CUX1: variants seen among roughly 807,000 people sequenced by gnomAD.
CUX1 encodes protein CASP.
In CUX1, 31 loss-of-function variants were observed where a neutral mutation model predicts 158.8. The observed-to-expected ratio is 0.20, with a 90% CI of 0.15 to 0.26. CUX1 has a LOEUF of 0.26. CUX1 is among the 10% of genes least tolerant of loss of function. The pLI, the probability that CUX1 is intolerant of heterozygous loss-of-function variation, is 1.00. For missense variants in CUX1, 1,589 were observed against 2,014.6 expected, an observed-to-expected ratio of 0.79 and a Z score of 4.04; for synonymous variants, 879 against 862.1, an observed-to-expected ratio of 1.02 and a Z score of -0.34.
At chr7:102,126,506 T>G (rs1199083293) in intron 8 of CUX1, among the ~76,000 whole-genome samples, 1 of 152,164 alleles carries the variant, frequency 6.6e-6, no homozygotes, top group Non-Finnish European at 1.5e-5. Flanking sequence ...TCTATACAGA[T>G]TGTTCCTTAC....
At chr7:102,139,142 G>A (rs1834186050) in intron 8 of CUX1, among the ~76,000 whole-genome samples, 1 of 151,602 alleles carries the variant, frequency 6.6e-6, no homozygotes, top group Admixed American at 6.6e-5. Flanking sequence ...CTACTCAGGA[G>A]GCTGAGACCC....
chr7:102,217,515 G>A (rs1243725768), intron 20 of CUX1, among the ~76,000 whole-genome samples: 1 of 152,256 alleles, frequency 6.6e-6, no homozygotes, highest in Non-Finnish European at 1.5e-5. Context: ...ACCTTCCCAT[G>A]TCGGGGAGAT....
rs199690441 is a variant in CUX1 at position 102,204,564 on chromosome 7, G to A, written c.3073+8G>A. 463 of 1,611,932 alleles carry A rather than the reference G, an allele frequency of 2.9e-4. No individual in the cohort carries two copies. The African/African-American group carries it at 5.5e-3, about 19-fold the overall frequency. On this transcript the variant is annotated splice_region_variant and intron_variant, in intron 19 of 23. Coordinates refer to ENST00000292535, the MANE Select transcript of CUX1 (RefSeq NM_181552.4). ...GCCAGCAGCAAGGGCCAGGTAATGGGGGTCCTGCCACAGGAGAGGGGCTGC... is the reference window on the plus strand; with the variant it reads ...GCCAGCAGCAAGGGCCAGGTAATGGAGGTCCTGCCACAGGAGAGGGGCTGC...
At chr7:102,241,819 G>C (rs1050195101) in intron 23 of CUX1, among the ~76,000 whole-genome samples, 1 of 152,178 alleles carries the variant, frequency 6.6e-6, no homozygotes, top group Non-Finnish European at 1.5e-5. Context: ...CAAAATCCAG[G>C]ATTAGCCAGG....
At chr7:102,216,090 G>C (rs1213686127) in intron 20 of CUX1, among the ~76,000 whole-genome samples, 1 of 152,190 alleles carries the variant, frequency 6.6e-6, no homozygotes, top group Non-Finnish European at 1.5e-5. Flanking sequence ...GATCACTTGA[G>C]GCCGGGAGTT....
At chr7:102,061,325 C>G (rs543204429) in intron 3 of CUX1, among the ~76,000 whole-genome samples, 7 of 152,168 alleles carry the variant, frequency 4.6e-5, no homozygotes, top group Admixed American at 2.6e-4. Flanking sequence ...AAACCACACA[C>G]TCTTTCCATT....
intron 8 of CUX1, among the ~76,000 whole-genome samples, chr7:102,139,120 C>T (rs1554499494): frequency 6.6e-6 from 1 of 151,842 alleles, no homozygotes; most frequent in Non-Finnish European, 1.5e-5. Context: ...TGGTATGCAC[C>T]TGTAATTCCA....
chr7:101,834,603 C>G (rs546220630), intron 1 of CUX1, among the ~76,000 whole-genome samples: 93 of 152,214 alleles, frequency 6.1e-4, no homozygotes, highest in African/African-American at 2.2e-3. Flanking sequence ...TTTTTCTGTT[C>G]TAAACGTGCC....
chr7:102,128,594 A>G (rs372493638), intron 8 of CUX1, among the ~76,000 whole-genome samples: 21 of 151,748 alleles, frequency 1.4e-4, no homozygotes, highest in South Asian at 1.3e-3. Context: ...CTGGGTCGCA[A>G]CATCGTAAAG....
chr7:102,184,195 G>C (rs1350544333), intron 11 of CUX1, among the ~76,000 whole-genome samples: 4 of 152,204 alleles, frequency 2.6e-5, no homozygotes, highest in African/African-American at 7.2e-5. Context: ...ACCATGCCCT[G>C]CAGTAGATAG....
intron 8 of CUX1, among the ~76,000 whole-genome samples, chr7:102,127,618 T>G (rs962843916): frequency 2.6e-5 from 4 of 152,196 alleles, no homozygotes; most frequent in African/African-American, 9.7e-5. Context: ...TATTTCTTGC[T>G]TATCATTAAA....
In CUX1 at chr7:102,197,119, G is replaced by A; in HGVS notation, c.1708G>A (p.Gly570Arg). 1 of 1,614,220 alleles carries A rather than the reference G, an allele frequency of 6.2e-7. No homozygotes were observed. Among genetic ancestry groups the A allele is most frequent in the Non-Finnish European group, 8.5e-7 (1 of 1,180,042 alleles). The change falls in exon 15 of 24, where the codon GGA becomes AGA. Residue 570 changes from glycine (G) to arginine (R), a missense_variant. Around this residue, in one of 8 missense-constraint regions of CUX1, gnomAD observed 37 missense variants for 124.9 expected, o/e 0.30. Transcript: ENST00000292535. ...AGAGCAGCTGATTAAGCACAATATC[G>A]GACAACGTATTTTCGGACATTATGT... Reference protein sequence around the residue: ...VKEQLIKHNIGQRIFGHYVLG... With the variant: ...VKEQLIKHNIRQRIFGHYVLG...
intron 1 of CUX1, among the ~76,000 whole-genome samples, chr7:101,871,871 G>A (rs2131463187): frequency 6.6e-6 from 1 of 152,010 alleles, no homozygotes; most frequent in East Asian, 2.0e-4. Flanking sequence ...TTAAAAAATT[G>A]ACTGGGCATG....
chr7:102,210,951 C>T (rs1466172929), intron 20 of CUX1, among the ~76,000 whole-genome samples: 2 of 152,202 alleles, frequency 1.3e-5, no homozygotes, highest in Non-Finnish European at 2.9e-5. Context: ...TTAGCTGGTT[C>T]CCACCAGACA....
Position 102,201,934 on chromosome 7 carries a change from G to A in CUX1, c.2637G>A (p.Trp879Ter), listed in dbSNP as rs1795493782. Reference protein sequence around the residue: ...QLQGPSSSEYWKEWPSAESPY... With the variant: ...QLQGPSSSEY ...AGGGACCCTCGTCGTCAGAGTACTG[G>A]AAGGAGTGGCCCAGCGCTGAGTCCC... The change falls in exon 18 of 24, where the codon TGG (tryptophan) becomes TGA (stop). Residue 879 changes from tryptophan (W) to a stop codon, truncating the protein, a stop_gained. Coordinates refer to ENST00000292535, the MANE Select transcript of CUX1 (RefSeq NM_181552.4). LOFTEE classifies it high-confidence loss of function. The surrounding 1 kb of genome is among the most constrained non-coding windows in gnomAD (Gnocchi z 5.0). 1 of 1,613,996 alleles carries A rather than the reference G, an allele frequency of 6.2e-7. No homozygotes were observed. The highest frequency in any genetic ancestry group is 1.3e-5 in the African/African-American group (1 of 74,922).
At chr7:102,122,412 T>C (rs1277636100) in intron 8 of CUX1, among the ~76,000 whole-genome samples, 1 of 152,098 alleles carries the variant, frequency 6.6e-6, no homozygotes, top group African/African-American at 2.4e-5. Context: ...TCCTGTGTCT[T>C]ATCTCCAAAA....
chr7:101,886,854 C>T (rs1028100098), intron 1 of CUX1, among the ~76,000 whole-genome samples: 2 of 152,138 alleles, frequency 1.3e-5, no homozygotes, highest in Non-Finnish European at 2.9e-5. Context: ...TGAGAGCCCA[C>T]GGGTGTTTTC....
intron 8 of CUX1, among the ~76,000 whole-genome samples, chr7:102,156,102 C>T (rs1157888047): frequency 1.3e-5 from 2 of 152,180 alleles, no homozygotes; most frequent in African/African-American, 4.8e-5. Flanking sequence ...GTTGATAAGA[C>T]TACCTCAAAT....
chr7:101,870,345 G>C (rs1478503548), intron 1 of CUX1, among the ~76,000 whole-genome samples: 2 of 151,728 alleles, frequency 1.3e-5, no homozygotes, highest in Non-Finnish European at 1.5e-5. Flanking sequence ...TGTTGTTGTT[G>C]TTGTTTTGTG....
Sources: gnomAD v4.1 joint callset for allele counts (sites outside exome capture counted in the v4.1 genomes callset) on GRCh38, gnomAD v4.1.1 for gene constraint, gnomAD v4.1.1 regional missense constraint, Gnocchi (gnomAD v3.1) non-coding constraint, MANE v1.5 for transcripts, NCBI Gene and HGNC (gene_info 2026-07-23, HGNC 2026-07-21) for gene names.